Variants in NCK1 observed in about 807,000 individuals in gnomAD.
NCK1 encodes NCK adaptor protein 1.
Under a neutral mutation model 36.6 loss-of-function variants are expected in NCK1, and 19 were observed. The ratio of observed to expected loss-of-function variants is 0.52; its 90% CI spans 0.36 to 0.76. The LOEUF is 0.76. Among genes scored for constraint, NCK1 ranks in the 30% least tolerant of loss-of-function variants. The probability of loss-of-function intolerance (pLI) is 0.00; values close to 1 mark genes in which losing one functional copy is unlikely to be tolerated. For synonymous variants in NCK1, 165 were observed against 156.0 expected (o/e 1.06, Z -0.43); for missense variants, 358 against 445.6 (o/e 0.80, Z 1.77).
At chr3:136,866,360 T>C (rs1035765479) in intron 1 of NCK1, among the ~76,000 whole-genome samples, 12 of 151,616 alleles carry the variant, frequency 7.9e-5, no homozygotes, top group Admixed American at 2.0e-4. Flanking sequence ...CAGGCTGGAG[T>C]GCAATGGTGC....
chr3:136,917,196 A>G (rs1409548972), intron 1 of NCK1, among the ~76,000 whole-genome samples: 2 of 151,460 alleles, frequency 1.3e-5, no homozygotes, highest in Non-Finnish European at 2.9e-5. Flanking sequence ...AATGTGGCCC[A>G]ACACAAATTT....
intron 3 of NCK1, 45 bp from the exon 4 acceptor site, chr3:136,948,214 G>C: frequency 3.5e-6 from 5 of 1,425,264 alleles, no homozygotes; most frequent in Non-Finnish European, 4.7e-6. Context: ...ACTGATAGAG[G>C]GCTTTCAAAA....
At chr3:136,926,774 G>T (rs1395401024) in intron 1 of NCK1, among the ~76,000 whole-genome samples, 1 of 152,082 alleles carries the variant, frequency 6.6e-6, no homozygotes, top group Admixed American at 6.5e-5. Flanking sequence ...TTATCTTTTT[G>T]TTATGGTTGT....
At chr3:136,869,641 C>T (rs1436984579) in intron 1 of NCK1, among the ~76,000 whole-genome samples, 1 of 152,066 alleles carries the variant, frequency 6.6e-6, no homozygotes, top group Non-Finnish European at 1.5e-5. Context: ...CCTCTTAACT[C>T]TAAAGTTTCT....
At chr3:136,927,859 A>AT (rs1360124287) in intron 1 of NCK1, 125 bp from the exon 2 acceptor site, 2 of 721,644 alleles carry the variant, frequency 2.8e-6, no homozygotes, top group Non-Finnish European at 4.6e-6. Context: ...TGCCTCATGT[A>AT]TTTTTTTCCA....
At chr3:136,896,497 C>G (rs903141130) in intron 1 of NCK1, among the ~76,000 whole-genome samples, 3 of 152,062 alleles carry the variant, frequency 2.0e-5, no homozygotes, top group Non-Finnish European at 4.4e-5. Context: ...AAATAGTATC[C>G]CATTGTGTAT....
intron 2 of NCK1, among the ~76,000 whole-genome samples, chr3:136,945,080 G>A (rs977224456): frequency 6.6e-6 from 1 of 152,176 alleles, no homozygotes; most frequent in Non-Finnish European, 1.5e-5. Flanking sequence ...AACCAAGAAA[G>A]CAAATGGGAA....
At chr3:136,892,953 C>T (rs952287835) in intron 1 of NCK1, among the ~76,000 whole-genome samples, 12 of 151,806 alleles carry the variant, frequency 7.9e-5, no homozygotes, top group African/African-American at 1.2e-4. Context: ...AGTCTTTTAT[C>T]CCTCACGCCA....
intron 2 of NCK1, among the ~76,000 whole-genome samples, chr3:136,938,014 A>G (rs1383879913): frequency 6.6e-6 from 1 of 152,272 alleles, no homozygotes; most frequent in East Asian, 1.9e-4. Flanking sequence ...GTCTTTCACC[A>G]TTGAGTGTGA....
intron 1 of NCK1, among the ~76,000 whole-genome samples, chr3:136,920,106 AC>A (rs1345314706): frequency 6.6e-6 from 1 of 152,166 alleles, no homozygotes; most frequent in African/African-American, 2.4e-5. Context: ...AGCTTTTTAA[AC>A]CCTAGTATCT....
At chr3:136,913,066 T>C (rs113770851) in intron 1 of NCK1, among the ~76,000 whole-genome samples, 8 of 152,290 alleles carry the variant, frequency 5.3e-5, no homozygotes, top group African/African-American at 1.7e-4. Context: ...TTAAGGTAGC[T>C]TTTTAAAAGT....
rs113326489 is a variant in NCK1 at position 136,896,486 on chromosome 3, CA to C, written c.-18-31495del. On this transcript the variant is annotated intron_variant, in intron 1 of 3. Transcript: ENST00000481752. ...CATGATTTCATTATTTTTTAATGGCCAAATAGTATCCCATTGTGTATATATG... is the reference window on the plus strand; with the variant it reads ...CATGATTTCATTATTTTTTAATGGCCAATAGTATCCCATTGTGTATATATG... 3.3e-5 allele frequency among the ~76,000 whole-genome samples: 5 copies of C among 152,176 alleles called. 1 individual carries two copies. The highest frequency in any genetic ancestry group is 1.2e-4 in the African/African-American group (5 of 41,494).
chr3:136,897,496 A>G (rs1442112170), intron 1 of NCK1, among the ~76,000 whole-genome samples: 1 of 152,080 alleles, frequency 6.6e-6, no homozygotes, highest in Non-Finnish European at 1.5e-5. Flanking sequence ...GCATTTTTTC[A>G]TATACTTGTT....
chr3:136,883,496 C>T (rs1165864770), intron 1 of NCK1, among the ~76,000 whole-genome samples: 1 of 152,104 alleles, frequency 6.6e-6, no homozygotes, highest in Non-Finnish European at 1.5e-5. Context: ...GAGTAGCACT[C>T]ATATTCTCTG....
At chr3:136,876,515 AGCTTG>A (rs1462700401) in intron 1 of NCK1, among the ~76,000 whole-genome samples, 3 of 152,314 alleles carry the variant, frequency 2.0e-5, no homozygotes, top group African/African-American at 7.2e-5. Flanking sequence ...TTTGTTTTCT[AGCTTG>A]GCTTTTATGA....
At chr3:136,934,632 A>G (rs1940481852) in intron 2 of NCK1, among the ~76,000 whole-genome samples, 1 of 152,048 alleles carries the variant, frequency 6.6e-6, no homozygotes, top group Non-Finnish European at 1.5e-5. Context: ...CCAGTATCCA[A>G]TCATTATCTT....
At chr3:136,936,263 A>G (rs1940528552) in intron 2 of NCK1, among the ~76,000 whole-genome samples, 1 of 151,540 alleles carries the variant, frequency 6.6e-6, no homozygotes, top group South Asian at 2.1e-4. Context: ...CTGGTCACGA[A>G]CTCCTTACCT....
Position 136,867,100 on chromosome 3 carries a change from CTTTCTTTCTTTCTTTCTTTGT to C in NCK1, c.-19+4750_-19+4770del, listed in dbSNP as rs1560028422. On this transcript the variant is annotated intron_variant, in intron 1 of 3. Coordinates refer to ENST00000481752, the MANE Select transcript of NCK1 (RefSeq NM_001291999.2). ...TCTTTCTTTCTTTCTTTCTTTCTTT[CTTTCTTTCTTTCTTTCTTTGT>C]TTCTTTCTTTCCTTCCTTCCTTCCT... Among the ~76,000 whole-genome samples, 23 of 38,812 alleles carry C rather than the reference CTTTCTTTCTTTCTTTCTTTGT, an allele frequency of 5.9e-4. 1 individual carries two copies. The highest frequency in any genetic ancestry group is 1.8e-3 in the African/African-American group (20 of 10,974). 25.5% of individuals were successfully genotyped at this position (38,812 alleles called of 152,430 possible).
intron 1 of NCK1, among the ~76,000 whole-genome samples, chr3:136,907,710 A>G (rs957391654): frequency 6.6e-6 from 1 of 152,114 alleles, no homozygotes. Flanking sequence ...TTCCCTTTTC[A>G]TGGAAGAGGC....
Sources: allele counts gnomAD v4.1 joint callset (sites outside exome capture counted in the v4.1 genomes callset), GRCh38; gene constraint gnomAD v4.1.1; transcripts MANE v1.5; gene names NCBI Gene and HGNC (gene_info 2026-07-23, HGNC 2026-07-21).